EIF2D: variants seen among roughly 807,000 people sequenced by gnomAD.
EIF2D encodes eukaryotic translation initiation factor 2D.
Under a neutral mutation model 77.4 loss-of-function variants are expected in EIF2D, and 56 were observed. The ratio of observed to expected loss-of-function variants is 0.72; its 90% CI spans 0.58 to 0.90. The LOEUF is 0.90. Ranked by LOEUF, EIF2D falls within the 40% of genes least tolerant of loss-of-function variation. The pLI is 0.00. For missense variants in EIF2D, 574 were observed against 706.5 expected, an observed-to-expected ratio of 0.81 and a Z score of 2.13; for synonymous variants, 230 against 271.0, an observed-to-expected ratio of 0.85 and a Z score of 1.49.
Position 206,609,410 on chromosome 1 carries a change from C to T in EIF2D, c.297G>A (p.Trp99Ter). Residue 99 changes from tryptophan (W) to a stop codon, truncating the protein, a stop_gained, in exon 3 of 15, where the codon TGG becomes TGA. Transcript: ENST00000271764. LOFTEE classifies it high-confidence loss of function. Reference sequence around the variant, plus strand: ...CTACCAGTTTCTCGAGCACCAGAGGCCATGTTGTAAAGGTTGGCAGAAGAT... The same window carrying T: ...CTACCAGTTTCTCGAGCACCAGAGGTCATGTTGTAAAGGTTGGCAGAAGAT... Reference protein sequence around the residue: ...YPDLLPTFTTWPLVLEKLVGG... With the variant: ...YPDLLPTFTT The T allele has an allele frequency of 1.2e-6, 2 of 1,614,196 alleles. No homozygotes were observed. Among genetic ancestry groups the T allele is most frequent in the Non-Finnish European group, 8.5e-7 (1 of 1,180,032 alleles).
At chr1:206,589,947 C>T (rs1055292400), downstream of EIF2D, among the ~76,000 whole-genome samples, 2 of 152,174 alleles carry the variant, frequency 1.3e-5, no homozygotes, top group African/African-American at 4.8e-5. Context: ...TTCATCTAAA[C>T]CCCCAAGAAA....
chr1:206,589,538 T>G (rs531894323), downstream of EIF2D: 31 of 152,288 alleles, frequency 2.0e-4, no homozygotes, highest in African/African-American at 7.2e-4. Flanking sequence ...CAGGCAGAGA[T>G]GCTGATGTGT....
At chr1:206,572,771 T>G (rs782361142) in intron 4 of EIF2D, 3 of 152,248 alleles carry the variant, frequency 2.0e-5, no homozygotes, top group Non-Finnish European at 4.4e-5. Context: ...ATTGATGTAT[T>G]TGTCTTTATA....
At position 206,593,683 on chromosome 1, in the gene EIF2D, G is replaced by A; in HGVS notation, c.1620C>T (p.Ala540=). 1 of 1,613,948 alleles carries A rather than the reference G, an allele frequency of 6.2e-7. No individual in the cohort carries two copies. The highest frequency in any genetic ancestry group is 1.3e-5 in the African/African-American group (1 of 75,006). Reference sequence around the variant, plus strand: ...GGATCTGCACCTGAAGGCTGTCCTTGGCCCCAGGGGCAGGATTGACGGTGG... The same window carrying A: ...GGATCTGCACCTGAAGGCTGTCCTTAGCCCCAGGGGCAGGATTGACGGTGG... The part of the protein sequence containing the change: ...ASTTVNPAPG[A]KDSLQVQIQG... The change falls in exon 14 of 15, where the codon GCC becomes GCT. Residue 540 remains alanine (A), a synonymous_variant. Transcript: ENST00000271764.
Position 206,593,626 on chromosome 1 carries a change from TAGCC to T in EIF2D, c.1673_1676del (p.Trp558TyrfsTer16). 2 of 1,606,982 alleles carry T rather than the reference TAGCC, an allele frequency of 1.2e-6. No individual in the cohort carries two copies. The highest frequency in any genetic ancestry group is 1.7e-6 in the Non-Finnish European group (2 of 1,174,898). On this transcript the variant is annotated frameshift_variant, in exon 14 of 15. Transcript: ENST00000271764. LOFTEE classifies it high-confidence loss of function. Reference sequence around the variant, plus strand: ...TTCAGAGGGGATGCTCACCAAGCAATAGCCAGCCGAGGTGGTGGACCTGGTTTCC... The same window carrying T: ...TTCAGAGGGGATGCTCACCAAGCAATAGCCGAGGTGGTGGACCTGGTTTCC...
At position 206,611,208 on chromosome 1, in the gene EIF2D, G is replaced by A. The variant is rs1553413904; in HGVS notation, c.223C>T (p.Leu75=). The A allele has an allele frequency of 1.9e-6, 3 of 1,613,760 alleles. No individual in the cohort carries two copies. The highest frequency in any genetic ancestry group is 1.7e-5 in the Admixed American group (1 of 59,988). The change falls in exon 2 of 15, where the codon CTG becomes TTG. Residue 75 remains leucine (L), a synonymous_variant. Transcript: ENST00000271764. ...VSGGNPILFE[L]EKNLYPTVYT... ...CCTGTTGGATACAGATTTTTCTCCA[G>A]TTCAAAGAGGATGGGGTTACCACCA... is the stretch of plus-strand genomic sequence containing the variant.
intron 4 of EIF2D, among the ~76,000 whole-genome samples, chr1:206,574,352 AG>A (rs1462336257): frequency 6.6e-6 from 1 of 152,174 alleles, no homozygotes; most frequent in Non-Finnish European, 1.5e-5. Context: ...CAGACTCCCA[AG>A]GACAGGGTCA....
Position 206,584,611 on chromosome 1 carries a change from G to C in EIF2D, c.139-3449C>G, listed in dbSNP as rs1669030484. 1 of 1,614,232 alleles carries C rather than the reference G, an allele frequency of 6.2e-7. No homozygotes were observed. Among genetic ancestry groups the C allele is most frequent in the African/African-American group, 1.3e-5 (1 of 75,050 alleles). ...CCGTCAGTGAGGTCATCCAGGGGCT[G>C]CTCAAGAAGTTCATGGTTGTGGACA... On this transcript the variant is annotated intron_variant and NMD_transcript_variant, in intron 2 of 5. Coordinates refer to the EIF2D transcript ENST00000472709. The surrounding 1 kb of genome is among the most constrained non-coding windows in gnomAD (Gnocchi z 4.9).
At chr1:206,611,473 C>A in intron 1 of EIF2D, 99 bp from the exon 2 acceptor site, 1 of 956,722 alleles carries the variant, frequency 1.0e-6, no homozygotes, top group Non-Finnish European at 1.5e-6. Context: ...TCACAAGGGC[C>A]AAAGAAAGAT....
At chr1:206,596,839 C>T (rs1474555194) in intron 12 of EIF2D, among the ~76,000 whole-genome samples, 8 of 152,114 alleles carry the variant, frequency 5.3e-5, no homozygotes, top group Non-Finnish European at 1.2e-4. Context: ...GCATGCACCA[C>T]TATGCCTGCC....
At chr1:206,594,509 A>G (rs1274638229) in intron 13 of EIF2D, 2 of 152,260 alleles carry the variant, frequency 1.3e-5, no homozygotes, top group Non-Finnish European at 2.9e-5. Context: ...TACAGATAGT[A>G]AAGTGTATTA....
Position 206,586,583 on chromosome 1 carries a change from T to C in EIF2D, c.139-5421A>G, listed in dbSNP as rs1669120145. 9.8e-6 allele frequency: 4 copies of C among 407,788 alleles called. No individual in the cohort carries two copies. In the Admixed American group the frequency reaches 1.7e-4, roughly 17 times the overall value. 25.3% of individuals were successfully genotyped at this position (407,788 alleles called of 1,614,324 possible). ...AACTTAAGATTATTGAGTTTCAAAA[T>C]AAAAACATGGTTCATAGACTGGCAA... is the stretch of plus-strand genomic sequence containing the variant. On this transcript the variant is annotated intron_variant and NMD_transcript_variant, in intron 2 of 5. Coordinates refer to the EIF2D transcript ENST00000472709.
At position 206,611,174 on chromosome 1, in the gene EIF2D, G is replaced by C. The variant is rs578217539; in HGVS notation, c.247+10C>G. On this transcript the variant is annotated intron_variant, in intron 2 of 14. Transcript: ENST00000271764. The stretch of plus-strand genomic sequence containing the variant: ...TAATGGTAATGGCCATCTTCGTCCT[G>C]TTGTCATACCTGTTGGATACAGATT... 1 of 1,605,570 alleles carries C rather than the reference G, an allele frequency of 6.2e-7. No individual in the cohort carries two copies. The highest frequency in any genetic ancestry group is 2.2e-5 in the East Asian group (1 of 44,656).
downstream of EIF2D, among the ~76,000 whole-genome samples, chr1:206,570,183 C>T (rs1261765731): frequency 6.7e-6 from 1 of 148,992 alleles, no homozygotes; most frequent in Non-Finnish European, 1.5e-5. Context: ...CCTCTGCCTC[C>T]CAGGTTCAAG....
chr1:206,608,050 C>T (rs782291229), intron 4 of EIF2D, among the ~76,000 whole-genome samples, 186 bp downstream of exon 4: 1 of 152,172 alleles, frequency 6.6e-6, no homozygotes, highest in Non-Finnish European at 1.5e-5. Context: ...ACAGCAAATA[C>T]ACTCTGCCCA....
chr1:206,574,853 CTTTT>C (rs71570015), intron 4 of EIF2D, among the ~76,000 whole-genome samples: 50 of 86,110 alleles, frequency 5.8e-4, no homozygotes, highest in African/African-American at 2.0e-3. Flanking sequence ...GGACCAATGA[CTTTT>C]TTTTTTTTTT....
At chr1:206,585,346 G>T in intron 2 of EIF2D, 1 of 1,349,676 alleles carries the variant, frequency 7.4e-7, no homozygotes, top group Non-Finnish European at 1.1e-6. Context: ...CCCTGGGTGG[G>T]TGCAGGTGGG....
At chr1:206,569,150 T>A (rs1434230815), downstream of EIF2D, among the ~76,000 whole-genome samples, 1 of 152,220 alleles carries the variant, frequency 6.6e-6, no homozygotes, top group Non-Finnish European at 1.5e-5. Flanking sequence ...GGCAAATTGA[T>A]GAGCAGGCAA....
intron 2 of EIF2D, chr1:206,585,211 C>T (rs1553407358): frequency 6.2e-7 from 1 of 1,614,134 alleles, no homozygotes; most frequent in Admixed American, 1.7e-5. Context: ...TTGCTGACCG[C>T]CCCCTCTACC....
Sources: allele counts gnomAD v4.1 joint callset (sites outside exome capture counted in the v4.1 genomes callset), GRCh38; gene constraint gnomAD v4.1.1; non-coding constraint Gnocchi (gnomAD v3.1); transcripts MANE v1.5; gene names NCBI Gene and HGNC (gene_info 2026-07-23, HGNC 2026-07-21).